ATG2B: variants seen among roughly 807,000 people sequenced by gnomAD.
ATG2B encodes autophagy-related protein 2 homolog B.
Under a neutral mutation model 241.3 loss-of-function variants are expected in ATG2B, and 121 were observed. That is an observed-to-expected ratio of 0.50 (90% CI 0.43 to 0.58). The LOEUF is 0.58. Ranked by LOEUF, ATG2B falls within the 20% of genes least tolerant of loss-of-function variation. The pLI is 0.00. For synonymous variants in ATG2B, 858 were observed against 876.6 expected (o/e 0.98, Z 0.37); for missense variants, 2,306 against 2,491.6 (o/e 0.93, Z 1.59).
Position 96,280,498 on chromosome 14 carries a change from AG to A in ATG2B, c.*5256del, listed in dbSNP as rs1430434094. Reference sequence around the variant, plus strand: ...TTTTTTCAACAAGAGCCATGGGTGAAGTGTGACTTGTCATTTTTTCCCTAAT... The same window carrying A: ...TTTTTTCAACAAGAGCCATGGGTGAATGTGACTTGTCATTTTTTCCCTAAT... On this transcript the variant is annotated 3_prime_UTR_variant, in exon 42 of 42. Transcript: ENST00000359933. 1 of 152,168 alleles carries A rather than the reference AG, an allele frequency of 6.6e-6. No homozygotes were observed. Among genetic ancestry groups the A allele is most frequent in the East Asian group, 1.9e-4 (1 of 5,180 alleles). The allele number at this position is 152,168 out of a possible 1,614,324, so 9.4% of individuals were successfully genotyped here.
At chr14:96,348,990 A>G (rs1888244091) in intron 1 of ATG2B, among the ~76,000 whole-genome samples, 1 of 152,242 alleles carries the variant, frequency 6.6e-6, no homozygotes, top group Non-Finnish European at 1.5e-5. Context: ...ACAAGATAGT[A>G]TACCATGAAA....
rs1440821626 is a variant in ATG2B, at chr14:96,280,873, G to C, written c.*4882C>G. The C allele has an allele frequency of 6.6e-6, 1 of 152,106 alleles. No homozygotes were observed. 9.4% of individuals were successfully genotyped at this position (152,106 alleles called of 1,614,324 possible). ...CTCCAGCCTGGGCAACAAGAGCAAAGCTCCGTCTGAAAAAATAAATAAATA... is the reference window on the plus strand; with the variant it reads ...CTCCAGCCTGGGCAACAAGAGCAAACCTCCGTCTGAAAAAATAAATAAATA... On this transcript the variant is annotated 3_prime_UTR_variant, in exon 42 of 42. Coordinates refer to ENST00000359933, the MANE Select transcript of ATG2B (RefSeq NM_018036.7).
At chr14:96,360,096 T>C (rs571233290) in intron 1 of ATG2B, among the ~76,000 whole-genome samples, 4 of 152,242 alleles carry the variant, frequency 2.6e-5, no homozygotes, top group Non-Finnish European at 5.9e-5. Flanking sequence ...GTAGAATCTT[T>C]GTAAAGAGAA....
chr14:96,311,467 GA>G, intron 27 of ATG2B, 74 bp downstream of exon 27: 1 of 1,351,684 alleles, frequency 7.4e-7, no homozygotes, highest in Non-Finnish European at 1.0e-6. Context: ...TAGGTACACG[GA>G]AAAATGTTAA....
rs990061793 is a variant in ATG2B, at chr14:96,289,171, T to A, written c.6006+485A>T. On this transcript the variant is annotated intron_variant, in intron 41 of 41. Coordinates refer to ENST00000359933, the MANE Select transcript of ATG2B (RefSeq NM_018036.7). This position sits in a 1 kb window ranked among gnomAD's most constrained non-coding sequence, Gnocchi z 4.3. ...AACTTTTAAAACATTAACACTAGTATGTTTTGCTTATAAATACATACTAAA... is the reference window on the plus strand; with the variant it reads ...AACTTTTAAAACATTAACACTAGTAAGTTTTGCTTATAAATACATACTAAA... Among the ~76,000 whole-genome samples, 1 of 152,230 alleles carries A rather than the reference T, an allele frequency of 6.6e-6. No individual in the cohort carries two copies. Among genetic ancestry groups the A allele is most frequent in the Non-Finnish European group, 1.5e-5 (1 of 68,044 alleles).
Position 96,341,674 on chromosome 14 carries a change from A to C in ATG2B, c.772T>G (p.Trp258Gly). Residue 258 changes from tryptophan (W) to glycine (G), a missense_variant, in exon 6 of 42, where the codon TGG (tryptophan) becomes GGG (glycine). By Grantham distance (184) the Trp-to-Gly change is radical. Around this residue, in one of 2 missense-constraint regions of ATG2B, gnomAD observed 1,927 missense variants for 2,011.2 expected, o/e 0.96. Transcript: ENST00000359933. ...GGCTCATAAATAATTTTGGGGTTCC[A>C]GCTAGGTGAGAGCTTTGGCTCAGTT... The part of the protein sequence containing the change: ...VETEPKLSPS[W>G]NPKIIYEPHP... 1 of 1,586,128 alleles carries C rather than the reference A, an allele frequency of 6.3e-7. No individual in the cohort carries two copies. The highest frequency in any genetic ancestry group is 8.6e-7 in the Non-Finnish European group (1 of 1,164,004).
chr14:96,311,517 A>C (rs767982385), intron 27 of ATG2B, 25 bp downstream of exon 27: 1 of 1,549,068 alleles, frequency 6.5e-7, no homozygotes, highest in Admixed American at 1.8e-5. Flanking sequence ...AGAACTTAAA[A>C]TTTTCATTTA....
intron 6 of ATG2B, among the ~76,000 whole-genome samples, chr14:96,335,263 T>C (rs17094034): frequency 0.33 from 49,615 of 152,064 alleles, 8,727 homozygotes; most frequent in African/African-American, 0.45. Flanking sequence ...ATTATTTTTA[T>C]GTCATTTTGC....
chr14:96,348,679 AAAAAT>A (rs1423146449), intron 1 of ATG2B, among the ~76,000 whole-genome samples: 16 of 144,200 alleles, frequency 1.1e-4, no homozygotes, highest in Non-Finnish European at 1.6e-4. Context: ...AAAAAAAAAA[AAAAAT>A]GAGTAAGATC....
At chr14:96,329,381 T>C (rs1887670845) in intron 12 of ATG2B, 103 bp downstream of exon 12, 1 of 754,606 alleles carries the variant, frequency 1.3e-6, no homozygotes, top group Non-Finnish European at 2.0e-6. Flanking sequence ...ATTCCTCCTA[T>C]GGCTTTCTAT....
rs2139878523 is a variant in ATG2B, at chr14:96,329,599, T to C, written c.1766A>G (p.Gln589Arg). 1 of 1,609,164 alleles carries C rather than the reference T, an allele frequency of 6.2e-7. No homozygotes were observed. Among genetic ancestry groups the C allele is most frequent in the East Asian group, 2.2e-5 (1 of 44,730 alleles). The stretch of plus-strand genomic sequence containing the variant: ...ATATCGGGAAGCTGATCTTTGTCTT[T>C]GTTCATAGGATACTTTAATGCCAGT... ...IGTGIKVSYE[Q>R]RQRSASRYFS... is the part of the protein sequence containing the mutation. Residue 589 changes from glutamine (Q) to arginine (R), a missense_variant, in exon 12 of 42, where the codon CAA becomes CGA. Gln to Arg is a conservative substitution (Grantham distance 43). Around this residue, in one of 2 missense-constraint regions of ATG2B, gnomAD observed 1,927 missense variants for 2,011.2 expected, o/e 0.96. Coordinates refer to ENST00000359933, the MANE Select transcript of ATG2B (RefSeq NM_018036.7).
intron 29 of ATG2B, among the ~76,000 whole-genome samples, chr14:96,308,436 C>T (rs1470029002): frequency 1.4e-5 from 2 of 146,864 alleles, no homozygotes; most frequent in African/African-American, 2.5e-5. Flanking sequence ...ACTATAGGCG[C>T]CTGCCAACAC....
In ATG2B at chr14:96,303,402, A is replaced by G. The variant is rs904208689; in HGVS notation, c.4843-147T>C. 16 of 568,360 alleles carry G rather than the reference A, an allele frequency of 2.8e-5. No homozygotes were observed. In the East Asian group the frequency reaches 5.0e-4, roughly 18 times the overall value. The allele number at this position is 568,360 out of a possible 1,614,324, so 35.2% of individuals were successfully genotyped here. A position where few individuals can be genotyped will look rare whatever the true frequency, so the allele number is the denominator to read the frequency against. ...TTCCACCTTCAAAAAACTCAACAAC[A>G]TGACATTCCTTCACTTGTTCACTCA... On this transcript the variant is annotated intron_variant, in intron 32 of 41. Coordinates refer to ENST00000359933, the MANE Select transcript of ATG2B (RefSeq NM_018036.7).
chr14:96,291,701 C>A lies in ATG2B; in HGVS notation c.5497-19G>T. On this transcript the variant is annotated intron_variant, in intron 37 of 41. Coordinates refer to ENST00000359933, the MANE Select transcript of ATG2B (RefSeq NM_018036.7). ...GCGTACCCTTCAAAATTAAAAAAGG[C>A]CAAATTAACCTTACTGTAAATTAAG... 1 of 1,551,934 alleles carries A rather than the reference C, an allele frequency of 6.4e-7. No homozygotes were observed. Among genetic ancestry groups the A allele is most frequent in the Non-Finnish European group, 8.8e-7 (1 of 1,130,808 alleles).
At chr14:96,324,209 TACCAAGGTAC>T in intron 15 of ATG2B, 1 of 525,316 alleles carries the variant, frequency 1.9e-6, no homozygotes, top group Non-Finnish European at 3.3e-6. Context: ...AATTCTTAAG[TACCAAGGTAC>T]ACTGCATAAA....
chr14:96,356,767 CA>C (rs994333632), intron 1 of ATG2B, among the ~76,000 whole-genome samples: 31 of 145,416 alleles, frequency 2.1e-4, no homozygotes, highest in East Asian at 7.9e-4. Context: ...GTGTGGTGTA[CA>C]AAAAAAAAAT....
chr14:96,291,533 T>C, intron 38 of ATG2B, 67 bp downstream of exon 38: 1 of 1,244,990 alleles, frequency 8.0e-7, no homozygotes, highest in East Asian at 2.4e-5. Context: ...GAAAACTCAG[T>C]TTTTAAATTT....
At chr14:96,291,863 A>T in intron 37 of ATG2B, 166 bp downstream of exon 37, 1 of 603,366 alleles carries the variant, frequency 1.7e-6, no homozygotes. Flanking sequence ...AATTTTACTC[A>T]TGGTACTTAA....
chr14:96,308,237 T>G (rs1478342795), intron 29 of ATG2B, among the ~76,000 whole-genome samples: 1 of 17,498 alleles, frequency 5.7e-5, no homozygotes, highest in Non-Finnish European at 1.3e-4. Flanking sequence ...TATACATATA[T>G]ATATATATAT....
Sources: gnomAD v4.1 joint callset for allele counts (sites outside exome capture counted in the v4.1 genomes callset) on GRCh38, gnomAD v4.1.1 for gene constraint, gnomAD v4.1.1 regional missense constraint, Gnocchi (gnomAD v3.1) non-coding constraint, MANE v1.5 for transcripts, NCBI Gene and HGNC (gene_info 2026-07-23, HGNC 2026-07-21) for gene names.